The following PPIP5K2 variants were observed in gnomAD, a reference collection of about 807,000 sequenced individuals.
The protein encoded by PPIP5K2 is diphosphoinositol pentakisphosphate kinase 2.
In PPIP5K2, 105 loss-of-function variants were observed where a neutral mutation model predicts 154.6. The ratio of observed to expected loss-of-function variants is 0.68; its 90% CI spans 0.58 to 0.80. The LOEUF (loss-of-function observed/expected upper bound fraction) is 0.80. PPIP5K2 is among the 30% of genes least tolerant of loss of function. The pLI, the probability that PPIP5K2 is intolerant of heterozygous loss-of-function variation, is 0.00. For synonymous variants in PPIP5K2, 480 were observed against 490.3 expected, an observed-to-expected ratio of 0.98 and a Z score of 0.28; for missense variants, 992 against 1,504.6, an observed-to-expected ratio of 0.66 and a Z score of 5.64.
Position 103,176,019 on chromosome 5 carries a change from A to G in PPIP5K2, c.2530-1648A>G, listed in dbSNP as rs184295761. On this transcript the variant is annotated intron_variant, in intron 21 of 30. Coordinates refer to ENST00000358359, the MANE Select transcript of PPIP5K2 (RefSeq NM_001276277.3). ...TCTTACTCAGTATATTCCCCTTTGTAATTTTTAATTATTCAGAATGGATGG... is the reference window on the plus strand; with the variant it reads ...TCTTACTCAGTATATTCCCCTTTGTGATTTTTAATTATTCAGAATGGATGG... Among the ~76,000 whole-genome samples, 550 of 152,192 alleles carry G rather than the reference A, an allele frequency of 3.6e-3. 2 individuals carry two copies. The highest frequency in any genetic ancestry group is 0.012 in the African/African-American group (516 of 41,556).
chr5:103,150,001 A>G (rs1471958320), intron 8 of PPIP5K2, among the ~76,000 whole-genome samples: 2 of 151,732 alleles, frequency 1.3e-5, no homozygotes, highest in African/African-American at 4.8e-5. Context: ...GGCCAAAACC[A>G]TTTCTTGAAA....
chr5:103,191,000 C>T lies in PPIP5K2; in HGVS notation c.3493+18C>T, dbSNP rs1015810830. On this transcript the variant is annotated intron_variant, in intron 29 of 30. Coordinates refer to ENST00000358359, the MANE Select transcript of PPIP5K2 (RefSeq NM_001276277.3). ...TGAAATTTGTAGGAAATTTTTCTTT[C>T]ATTGTTATTATTTAGTTGCTGGGCA... 6.2e-7 allele frequency: 1 copy of T among 1,600,664 alleles called. No individual in the cohort carries two copies. The highest frequency in any genetic ancestry group is 1.1e-5 in the South Asian group (1 of 88,864).
At chr5:103,168,500 G>A (rs570294682) in intron 19 of PPIP5K2, among the ~76,000 whole-genome samples, 1 of 151,890 alleles carries the variant, frequency 6.6e-6, no homozygotes, top group Admixed American at 6.6e-5. Context: ...TTTGACTACA[G>A]TGACTTTTTT....
chr5:103,184,690 A>G lies in PPIP5K2; in HGVS notation c.3115A>G (p.Asn1039Asp). Reference sequence around the variant, plus strand: ...TATGCAGGTTGTATCTGAAAATGCTAATTACCTGAGAACACCAAGAACTCT... The same window carrying G: ...TATGCAGGTTGTATCTGAAAATGCTGATTACCTGAGAACACCAAGAACTCT... ...SWQQVVSENA[N>D]YLRTPRTLVE... Residue 1039 changes from asparagine to aspartate, a missense_variant, in exon 26 of 31, where the codon AAT becomes GAT. Asn to Asp is a conservative substitution (Grantham distance 23, BLOSUM62 1). Coordinates refer to ENST00000358359, the MANE Select transcript of PPIP5K2 (RefSeq NM_001276277.3). The G allele has an allele frequency of 1.2e-6, 2 of 1,612,126 alleles. No individual in the cohort carries two copies. Among genetic ancestry groups the G allele is most frequent in the South Asian group, 1.1e-5 (1 of 91,038 alleles).
At position 103,173,916 on chromosome 5, in the gene PPIP5K2, A is replaced by G. The variant is rs1798336127; in HGVS notation, c.2473A>G (p.Ser825Gly). ...RHVRTRLYFTSESHVHSLLSI... is the reference protein window; with the variant it reads ...RHVRTRLYFTGESHVHSLLSI... The stretch of plus-strand genomic sequence containing the variant: ...TGTTCGTACTAGATTATATTTTACC[A>G]GTGAAAGTCATGTACATTCTTTGCT... Residue 825 changes from serine (S) to glycine (G), a missense_variant, in exon 21 of 31, where the codon AGT (serine) becomes GGT (glycine). Physicochemically the swap from Ser to Gly is moderately conservative, Grantham distance 56. Coordinates refer to ENST00000358359, the MANE Select transcript of PPIP5K2 (RefSeq NM_001276277.3). The G allele has an allele frequency of 1.2e-6, 2 of 1,609,958 alleles. No individual in the cohort carries two copies. The highest frequency in any genetic ancestry group is 1.7e-6 in the Non-Finnish European group (2 of 1,176,988).
At chr5:103,166,006 A>T (rs1358638415) in intron 17 of PPIP5K2, among the ~76,000 whole-genome samples, 3 of 152,102 alleles carry the variant, frequency 2.0e-5, no homozygotes, top group East Asian at 3.9e-4. Context: ...AACAAGTGGG[A>T]TGAAGATCCC....
At chr5:103,121,534 A>G (rs551923760) in intron 1 of PPIP5K2, among the ~76,000 whole-genome samples, 3 of 152,320 alleles carry the variant, frequency 2.0e-5, no homozygotes, top group East Asian at 3.9e-4. Flanking sequence ...CTCGATTTCA[A>G]TTTCTTCACT....
At chr5:103,154,140 A>G (rs187023921) in intron 11 of PPIP5K2, among the ~76,000 whole-genome samples, 18 of 152,096 alleles carry the variant, frequency 1.2e-4, no homozygotes, top group Admixed American at 9.8e-4. Context: ...ATTCATAAAT[A>G]TCATCAGTCT....
At chr5:103,164,560 T>C (rs1796847775) in intron 17 of PPIP5K2, among the ~76,000 whole-genome samples, 1 of 152,100 alleles carries the variant, frequency 6.6e-6, no homozygotes. Context: ...TAAATATAAA[T>C]GTTTCCAGTG....
intron 2 of PPIP5K2, among the ~76,000 whole-genome samples, chr5:103,132,295 A>G (rs1463067564): frequency 1.3e-5 from 2 of 152,206 alleles, no homozygotes; most frequent in African/African-American, 4.8e-5. Flanking sequence ...TAATCCCAGC[A>G]CTTTGGGAGG....
chr5:103,152,889 A>G, intron 10 of PPIP5K2, 140 bp downstream of exon 10: 1 of 550,518 alleles, frequency 1.8e-6, no homozygotes, highest in South Asian at 2.7e-5. Context: ...ATAGAGGAGT[A>G]GATTATACGT....
chr5:103,189,182 A>G (rs935555341), intron 28 of PPIP5K2: 43 of 1,530,150 alleles, frequency 2.8e-5, no homozygotes, highest in Non-Finnish European at 3.6e-5. Flanking sequence ...CTACACCTCT[A>G]TAGGTGCTGG....
chr5:103,146,686 C>T lies in PPIP5K2; in HGVS notation c.642+5C>T. ...AGTCAAAGACTCTTTAGAAAGGTAACACCTTTGTAACTTTTGTATGAATAC... is the reference window on the plus strand; with the variant it reads ...AGTCAAAGACTCTTTAGAAAGGTAATACCTTTGTAACTTTTGTATGAATAC... On this transcript the variant is annotated splice_donor_5th_base_variant and intron_variant, in intron 6 of 30. Coordinates refer to ENST00000358359, the MANE Select transcript of PPIP5K2 (RefSeq NM_001276277.3). 6.2e-7 allele frequency: 1 copy of T among 1,600,454 alleles called. No homozygotes were observed. The highest frequency in any genetic ancestry group is 8.5e-7 in the Non-Finnish European group (1 of 1,173,134).
At chr5:103,199,785 T>G (rs1554229673) in intron 30 of PPIP5K2, among the ~76,000 whole-genome samples, 1 of 152,162 alleles carries the variant, frequency 6.6e-6, no homozygotes, top group Non-Finnish European at 1.5e-5. Context: ...TTCTTTTAGA[T>G]GTTCTGTTTG....
intron 10 of PPIP5K2, 55 bp from the exon 11 acceptor site, chr5:103,153,793 A>T (rs1580203827): frequency 7.9e-7 from 1 of 1,267,492 alleles, no homozygotes; most frequent in Non-Finnish European, 1.1e-6. Flanking sequence ...AATCTGAATT[A>T]TACAACACAA....
At chr5:103,143,474 C>T (rs1793195112) in intron 5 of PPIP5K2, among the ~76,000 whole-genome samples, 2 of 152,110 alleles carry the variant, frequency 1.3e-5, no homozygotes, top group South Asian at 2.1e-4. Context: ...CATGCCCCGG[C>T]AGAAAATCAC....
chr5:103,179,362 C>A (rs79868968), intron 23 of PPIP5K2, among the ~76,000 whole-genome samples: 6,404 of 151,958 alleles, frequency 0.042, 438 homozygotes, highest in African/African-American at 0.15. Context: ...TACTGTATTA[C>A]TATGGTCCAA....
intron 11 of PPIP5K2, 108 bp downstream of exon 11, chr5:103,154,042 G>C (rs1795034926): frequency 1.4e-6 from 1 of 722,496 alleles, no homozygotes. Context: ...TTTATCTACT[G>C]TCTCTTGGCC....
At chr5:103,178,005 C>G in intron 23 of PPIP5K2, 25 bp downstream of exon 23, 1 of 1,361,730 alleles carries the variant, frequency 7.3e-7, no homozygotes, top group Non-Finnish European at 1.1e-6. Context: ...ACTCTCAGTG[C>G]TTAGTTACTA....
Sources: gnomAD v4.1 joint callset for allele counts (sites outside exome capture counted in the v4.1 genomes callset) on GRCh38, gnomAD v4.1.1 for gene constraint, MANE v1.5 for transcripts, NCBI Gene and HGNC (gene_info 2026-07-23, HGNC 2026-07-21) for gene names.